MSN: variants seen among roughly 807,000 people sequenced by gnomAD.
The protein encoded by MSN is moesin.
Under a neutral mutation model 48.0 loss-of-function variants are expected in MSN, and 2 were observed. The ratio of observed to expected loss-of-function variants is 0.04; its 90% CI spans 0.02 to 0.13. The LOEUF (loss-of-function observed/expected upper bound fraction) is 0.13, where lower values mean the gene tolerates loss of function less well. Ranked by LOEUF, MSN falls within the 10% of genes least tolerant of loss-of-function variation. The pLI is 1.00. For missense variants in MSN, 267 were observed against 470.1 expected, an observed-to-expected ratio of 0.57 and a Z score of 3.99; for synonymous variants, 146 against 166.9, an observed-to-expected ratio of 0.87 and a Z score of 0.97.
intron 1 of MSN, among the ~76,000 whole-genome samples, chrX:65,656,265 CTGTG>C (rs3087113): frequency 0.032 from 2,970 of 92,738 alleles, 85 homozygotes; most frequent in African/African-American, 0.077. Flanking sequence ...AGATCTATGC[CTGTG>C]TGTGTGTGTG....
At chrX:65,700,369 A>G (rs767656024) in intron 1 of MSN, among the ~76,000 whole-genome samples, 100 of 111,433 alleles carry the variant, frequency 9.0e-4, no homozygotes, top group Non-Finnish European at 2.6e-4. Flanking sequence ...AGAATGTCCT[A>G]TGGTTTCTAT....
At chrX:65,656,485 C>T (rs1470169388) in intron 1 of MSN, among the ~76,000 whole-genome samples, 1 of 111,670 alleles carries the variant, frequency 9.0e-6, no homozygotes, top group Non-Finnish European at 1.9e-5. Context: ...AGATCCCTCT[C>T]TTCTCTGGCC....
chrX:65,677,401 C>T (rs149683284), intron 1 of MSN, among the ~76,000 whole-genome samples: 33 of 112,384 alleles, frequency 2.9e-4, no homozygotes, highest in South Asian at 7.3e-4. Flanking sequence ...AGAAAAGTCA[C>T]ATAACTTCTT....
chrX:65,681,107 C>T (rs969560647), intron 1 of MSN, among the ~76,000 whole-genome samples: 6 of 110,637 alleles, frequency 5.4e-5, no homozygotes, highest in Admixed American at 9.7e-5. Flanking sequence ...CTGCTTTAGC[C>T]TATGTTCTTT....
At chrX:65,626,201 G>A (rs188820844) in intron 1 of MSN, among the ~76,000 whole-genome samples, 21 of 111,498 alleles carry the variant, frequency 1.9e-4, no homozygotes, top group South Asian at 3.7e-4. Flanking sequence ...TGATCCACCC[G>A]CCGTGGCCTC....
intron 1 of MSN, among the ~76,000 whole-genome samples, chrX:65,653,266 G>A (rs2070755194): frequency 9.0e-6 from 1 of 111,156 alleles, no homozygotes; most frequent in Admixed American, 9.6e-5. Flanking sequence ...GTTTGAAGGG[G>A]CACTTCAAAC....
intron 1 of MSN, among the ~76,000 whole-genome samples, chrX:65,708,593 G>A (rs977474880): frequency 2.7e-5 from 3 of 110,994 alleles, no homozygotes; most frequent in East Asian, 5.7e-4. Context: ...GTGCTTGGCG[G>A]GGTGTTTAAC....
intron 8 of MSN, among the ~76,000 whole-genome samples, chrX:65,736,157 C>T (rs1010670774): frequency 2.7e-5 from 3 of 111,568 alleles, no homozygotes; most frequent in Non-Finnish European, 5.7e-5. Flanking sequence ...GTCTCCCTAA[C>T]AAGGTGGATA....
chrX:65,669,432 G>T lies in MSN; in HGVS notation c.12+1579G>T, dbSNP rs1054770261. Among the ~76,000 whole-genome samples the T allele has an allele frequency of 4.5e-5, 5 of 111,603 alleles. No homozygotes were observed. In the Admixed American group the frequency reaches 4.8e-4, roughly 11 times the overall value. On this transcript the variant is annotated intron_variant, in intron 1 of 12. Transcript: ENST00000360270. ...TGGCATATCTCATCCTCAGTTCTGA[G>T]ATAGCCCACTTTGAAACACAGCTTC...
At chrX:65,623,905 C>T (rs778527633) in intron 1 of MSN, among the ~76,000 whole-genome samples, 1 of 110,065 alleles carries the variant, frequency 9.1e-6, no homozygotes, top group East Asian at 2.8e-4. Flanking sequence ...ATTGCAATCT[C>T]TGCTTGTTAT....
chrX:65,660,234 T>C (rs2070811457), intron 1 of MSN, among the ~76,000 whole-genome samples: 1 of 111,921 alleles, frequency 8.9e-6, no homozygotes, highest in South Asian at 3.7e-4. Context: ...AGGCACTACT[T>C]CTCTGGCTCT....
chrX:65,664,237 G>A (rs1168196858), upstream of MSN, among the ~76,000 whole-genome samples: 6 of 110,903 alleles, frequency 5.4e-5, no homozygotes, highest in Non-Finnish European at 1.1e-4. Context: ...GCCAAATACC[G>A]CATGTTCTCA....
At chrX:65,611,426 C>T (rs888930742) in intron 1 of MSN, among the ~76,000 whole-genome samples, 3 of 111,308 alleles carry the variant, frequency 2.7e-5, no homozygotes, top group Admixed American at 9.6e-5. Context: ...TCCCAAAGTG[C>T]GGGGATTACA....
At chrX:65,627,950 T>G (rs1430397417) in intron 1 of MSN, among the ~76,000 whole-genome samples, 1 of 112,002 alleles carries the variant, frequency 8.9e-6, no homozygotes, top group Non-Finnish European at 1.9e-5. Context: ...AGTGGGGTGG[T>G]CAAATTTTAA....
Position 65,740,823 on chromosome X carries a change from T to C in MSN, c.*930T>C, listed in dbSNP as rs2071729816. 2 of 171,659 alleles carry C rather than the reference T, an allele frequency of 1.2e-5. No homozygotes were observed. The highest frequency in any genetic ancestry group is 1.6e-4 in the Admixed American group (2 of 12,558). The allele number at this position is 171,659 out of a possible 1,213,427, so 14.1% of individuals were successfully genotyped here. A position where few individuals can be genotyped will look rare whatever the true frequency, so the allele number is the denominator to read the frequency against. Reference sequence around the variant, plus strand: ...AGCTCAGCCAGCCCCATCAGGACTCTTGTGAAAAGAGAGGATATGTTCACA... The same window carrying C: ...AGCTCAGCCAGCCCCATCAGGACTCCTGTGAAAAGAGAGGATATGTTCACA... On this transcript the variant is annotated 3_prime_UTR_variant, in exon 13 of 13. Coordinates refer to ENST00000360270, the MANE Select transcript of MSN (RefSeq NM_002444.3).
intron 1 of MSN, among the ~76,000 whole-genome samples, chrX:65,636,411 T>C (rs1051078243): frequency 2.7e-5 from 3 of 111,416 alleles, no homozygotes; most frequent in Non-Finnish European, 5.6e-5. Context: ...CTCTCTCACA[T>C]GCCTGCAGGT....
intron 1 of MSN, among the ~76,000 whole-genome samples, chrX:65,715,937 A>C (rs756910729): frequency 1.8e-5 from 2 of 112,052 alleles, no homozygotes; most frequent in Non-Finnish European, 3.8e-5. Context: ...GCTTTGGCGC[A>C]TTCAGTATGA....
At chrX:65,728,876 C>T (rs893015512) in intron 3 of MSN, among the ~76,000 whole-genome samples, 1 of 111,460 alleles carries the variant, frequency 9.0e-6, no homozygotes, top group South Asian at 3.7e-4. Context: ...CCATACTGTC[C>T]TGCAGTTTGC....
intron 1 of MSN, among the ~76,000 whole-genome samples, chrX:65,641,951 A>G (rs2070658127): frequency 9.2e-6 from 1 of 108,722 alleles, no homozygotes; most frequent in African/African-American, 3.3e-5. Flanking sequence ...CGTGACCAAC[A>G]TGGAGAAACC....
Sources: allele counts gnomAD v4.1 joint callset (sites outside exome capture counted in the v4.1 genomes callset), GRCh38; gene constraint gnomAD v4.1.1; transcripts MANE v1.5; gene names NCBI Gene and HGNC (gene_info 2026-07-23, HGNC 2026-07-21).